The following SIPA1L1 variants were observed in gnomAD, a reference collection of about 807,000 sequenced individuals.
SIPA1L1 encodes the protein signal-induced proliferation-associated 1-like protein 1.
Under a neutral mutation model 162.7 loss-of-function variants are expected in SIPA1L1, and 26 were observed. That is an observed-to-expected ratio of 0.16 (90% CI 0.12 to 0.22). SIPA1L1 has a LOEUF of 0.22. Ranked by LOEUF, SIPA1L1 falls within the 10% of genes least tolerant of loss-of-function variation. The probability of loss-of-function intolerance (pLI) is 1.00; values close to 1 mark genes in which losing one functional copy is unlikely to be tolerated. For missense variants in SIPA1L1, 1,874 were observed against 2,241.0 expected, an observed-to-expected ratio of 0.84 and a Z score of 3.31; for synonymous variants, 829 against 837.4, an observed-to-expected ratio of 0.99 and a Z score of 0.17.
chr14:71,360,138 A>C (rs991480063), intron 2 of SIPA1L1, among the ~76,000 whole-genome samples: 1 of 152,230 alleles, frequency 6.6e-6, no homozygotes, highest in Non-Finnish European at 1.5e-5. Flanking sequence ...AAATGCTAAA[A>C]CATGAGACAA....
At chr14:71,544,276 CAT>C (rs779193691) in intron 4 of SIPA1L1, among the ~76,000 whole-genome samples, 1,428 of 106,588 alleles carry the variant, frequency 0.013, 17 homozygotes, top group Non-Finnish European at 0.026. Flanking sequence ...TGTGTATATA[CAT>C]ATGTGTATAT....
At chr14:71,699,675 T>C (rs187256503) in intron 14 of SIPA1L1, among the ~76,000 whole-genome samples, 9 of 152,276 alleles carry the variant, frequency 5.9e-5, no homozygotes, top group Admixed American at 5.2e-4. Flanking sequence ...ATGAGAATTA[T>C]GGAGGTAAGG....
chr14:71,535,586 A>G lies in SIPA1L1; in HGVS notation c.-303+6216A>G, dbSNP rs544848028. Among the ~76,000 whole-genome samples, 27 of 152,018 alleles carry G rather than the reference A, an allele frequency of 1.8e-4. No homozygotes were observed. In the South Asian group the frequency reaches 3.9e-3, roughly 22 times the overall value. On this transcript the variant is annotated intron_variant, in intron 4 of 23. Transcript: ENST00000381232. ...TATTATCAAGGGATAACTGAATGTCAGAATCCCTCCTAGGTTTTTTTTTTT... is the reference window on the plus strand; with the variant it reads ...TATTATCAAGGGATAACTGAATGTCGGAATCCCTCCTAGGTTTTTTTTTTT...
At chr14:71,600,159 T>C (rs939250729) in intron 5 of SIPA1L1, among the ~76,000 whole-genome samples, 1 of 152,200 alleles carries the variant, frequency 6.6e-6, no homozygotes, top group Non-Finnish European at 1.5e-5. Flanking sequence ...GCCTGTGCTT[T>C]TCAGGTCTTA....
At chr14:71,548,771 G>A (rs927013846) in intron 4 of SIPA1L1, among the ~76,000 whole-genome samples, 1 of 150,726 alleles carries the variant, frequency 6.6e-6, no homozygotes, top group Non-Finnish European at 1.5e-5. Context: ...GGTGGCACAC[G>A]ACAGTAGTCC....
intron 7 of SIPA1L1, 127 bp downstream of exon 7, chr14:71,624,363 T>C (rs1434537620): frequency 2.7e-6 from 2 of 751,988 alleles, no homozygotes; most frequent in African/African-American, 3.6e-5. Context: ...GACACTCTCT[T>C]TGCAATTACT....
At chr14:71,395,587 G>T (rs1021689190) in intron 2 of SIPA1L1, among the ~76,000 whole-genome samples, 2 of 152,224 alleles carry the variant, frequency 1.3e-5, no homozygotes, top group African/African-American at 4.8e-5. Context: ...CTTGAGTCCA[G>T]GAGTTTGAGG....
At chr14:71,510,589 G>T (rs1333585676) in intron 2 of SIPA1L1, among the ~76,000 whole-genome samples, 2 of 152,042 alleles carry the variant, frequency 1.3e-5, no homozygotes, top group Non-Finnish European at 2.9e-5. Flanking sequence ...GAATGTTTTT[G>T]CCCTATTGTT....
chr14:71,446,343 G>T (rs1467788360), intron 2 of SIPA1L1, among the ~76,000 whole-genome samples: 1 of 151,926 alleles, frequency 6.6e-6, no homozygotes, highest in Non-Finnish European at 1.5e-5. Context: ...GAATTCTATT[G>T]TATGTATGTT....
Position 71,723,746 on chromosome 14 carries a change from A to G in SIPA1L1, c.4308A>G (p.Ala1436=), listed in dbSNP as rs2083968989. 1 of 1,614,150 alleles carries G rather than the reference A, an allele frequency of 6.2e-7. No individual in the cohort carries two copies. The highest frequency in any genetic ancestry group is 1.1e-5 in the South Asian group (1 of 91,084). ...ELHPAAPSQL[A]PSFSSSSSSS... is the part of the protein sequence containing the mutation. The stretch of plus-strand genomic sequence containing the variant: ...ATCCAGCTGCCCCCTCACAGCTCGC[A>G]CCATCCTTCTCCTCCTCTTCCTCCT... The change falls in exon 18 of 24, where the codon GCA becomes GCG. Residue 1436 remains alanine (A), a synonymous_variant. Transcript: ENST00000381232.
intron 2 of SIPA1L1, among the ~76,000 whole-genome samples, chr14:71,487,412 A>G (rs1388454893): frequency 6.6e-6 from 1 of 152,242 alleles, no homozygotes; most frequent in Non-Finnish European, 1.5e-5. Context: ...CATAGGAAGC[A>G]TGCATTCTGT....
At chr14:71,519,997 C>T (rs1202438644) in intron 3 of SIPA1L1, among the ~76,000 whole-genome samples, 1 of 151,080 alleles carries the variant, frequency 6.6e-6, no homozygotes. Flanking sequence ...ATAATCTTAG[C>T]GGCTGAGGAC....
rs150596048 is a variant in SIPA1L1, at chr14:71,655,950, A to G, written c.1994-2383A>G. On this transcript the variant is annotated intron_variant, in intron 8 of 23. Coordinates refer to ENST00000381232, the MANE Select transcript of SIPA1L1 (RefSeq NM_001386936.1). ...TTTACTCTGTTAATTATTTCTTTAT[A>G]GCAAACATTCTTTTTTCATTCTTTC... is the stretch of plus-strand genomic sequence containing the variant. Among the ~76,000 whole-genome samples, 131 of 152,112 alleles carry G rather than the reference A, an allele frequency of 8.6e-4. 2 individuals are homozygous for G. The highest frequency in any genetic ancestry group is 8.5e-3 in the South Asian group (41 of 4,826).
chr14:71,510,428 T>A (rs572051121), intron 2 of SIPA1L1, among the ~76,000 whole-genome samples: 1 of 152,194 alleles, frequency 6.6e-6, no homozygotes, highest in East Asian at 1.9e-4. Flanking sequence ...CCTCAGGTGA[T>A]CCACCCAGGT....
At chr14:71,603,475 T>C (rs1451258274) in intron 5 of SIPA1L1, among the ~76,000 whole-genome samples, 1 of 152,136 alleles carries the variant, frequency 6.6e-6, no homozygotes, top group African/African-American at 2.4e-5. Context: ...TTTCTTTCTT[T>C]TGAGACAGAT....
chr14:71,503,621 T>G (rs573890464), intron 2 of SIPA1L1, among the ~76,000 whole-genome samples: 2 of 152,294 alleles, frequency 1.3e-5, no homozygotes, highest in South Asian at 4.1e-4. Context: ...GACAACCCAT[T>G]TGTTGAGATT....
At position 71,446,906 on chromosome 14, in the gene SIPA1L1, G is replaced by GTTTTTTT. The variant is rs1189940440; in HGVS notation, c.-464-65820_-464-65814dup. On this transcript the variant is annotated intron_variant, in intron 2 of 23. Coordinates refer to ENST00000381232, the MANE Select transcript of SIPA1L1 (RefSeq NM_001386936.1). Reference sequence around the variant, plus strand: ...AGAGATGGGCTCTGTTTTTTTTTTTGTTTTTTTTTTTTTTTTTTTTTTTGA... The same window carrying GTTTTTTT: ...AGAGATGGGCTCTGTTTTTTTTTTTGTTTTTTTTTTTTTTTTTTTTTTTTTTTTTTGA... 4.0e-3 allele frequency among the ~76,000 whole-genome samples: 214 copies of GTTTTTTT among 53,166 alleles called. 1 individual carries two copies. Among genetic ancestry groups the GTTTTTTT allele is most frequent in the South Asian group, 6.0e-3 (8 of 1,328 alleles). The allele number at this position is 53,166 out of a possible 152,430, so 34.9% of individuals were successfully genotyped here.
chr14:71,525,008 C>T lies in SIPA1L1; in HGVS notation c.-361-4304C>T, dbSNP rs191595147. ...TCTCCCTACATTTAATAATCTTGCT[C>T]TGTCACCCAGGCTGGAGTGAAGTGG... is the stretch of plus-strand genomic sequence containing the variant. On this transcript the variant is annotated intron_variant, in intron 3 of 23. Coordinates refer to ENST00000381232, the MANE Select transcript of SIPA1L1 (RefSeq NM_001386936.1). Among the ~76,000 whole-genome samples, 23 of 152,194 alleles carry T rather than the reference C, an allele frequency of 1.5e-4. 1 individual carries two copies. The highest frequency in any genetic ancestry group is 8.8e-5 in the Non-Finnish European group (6 of 68,008).
At chr14:71,333,834 G>T (rs977274994) in intron 2 of SIPA1L1, among the ~76,000 whole-genome samples, 2 of 152,212 alleles carry the variant, frequency 1.3e-5, no homozygotes, top group African/African-American at 4.8e-5. Flanking sequence ...GAAATAGGGG[G>T]ATGTTAGAGG....
Sources: allele counts gnomAD v4.1 joint callset (sites outside exome capture counted in the v4.1 genomes callset), GRCh38; gene constraint gnomAD v4.1.1; transcripts MANE v1.5; gene names NCBI Gene and HGNC (gene_info 2026-07-23, HGNC 2026-07-21).